ERBB4: variants seen among roughly 807,000 people sequenced by gnomAD.
ERBB4 encodes erb-b2 receptor tyrosine kinase 4, also known as receptor tyrosine-protein kinase erbB-4.
In ERBB4, 42 loss-of-function variants were observed where a neutral mutation model predicts 158.0. The ratio of observed to expected loss-of-function variants is 0.27; its 90% confidence interval spans 0.21 to 0.34. The LOEUF is 0.34. ERBB4 is among the 10% of genes least tolerant of loss of function. The pLI is 1.00. For missense variants in ERBB4, 1,333 were observed against 1,624.1 expected (o/e 0.82, Z 3.08); for synonymous variants, 583 against 558.7 (o/e 1.04, Z -0.61).
intron 3 of ERBB4, among the ~76,000 whole-genome samples, chr2:211,905,647 C>CATATATATATATATATAT (rs56758130): frequency 9.8e-5 from 7 of 71,452 alleles, no homozygotes; most frequent in Non-Finnish European, 1.1e-4. Context: ...TAGGAAGGAT[C>CATATATATATATATATAT]ATATATATAT....
intron 3 of ERBB4, among the ~76,000 whole-genome samples, chr2:211,913,645 G>A (rs1053863842): frequency 2.9e-5 from 4 of 139,350 alleles, no homozygotes; most frequent in African/African-American, 1.0e-4. Context: ...GTGTGTGTGT[G>A]TGTGTGTGTG....
chr2:211,803,846 A>G (rs557597953), intron 3 of ERBB4, among the ~76,000 whole-genome samples: 5 of 152,218 alleles, frequency 3.3e-5, no homozygotes, highest in African/African-American at 9.6e-5. Flanking sequence ...CAGCTCCTCT[A>G]CCTATTGATA....
intron 1 of ERBB4, among the ~76,000 whole-genome samples, chr2:212,200,638 T>C (rs1220562061): frequency 6.6e-6 from 1 of 152,172 alleles, no homozygotes; most frequent in Admixed American, 6.5e-5. Context: ...GTAGGCCAAC[T>C]GGATAGCAAC....
chr2:211,584,797 A>G (rs376311757), intron 19 of ERBB4, among the ~76,000 whole-genome samples: 3 of 151,890 alleles, frequency 2.0e-5, no homozygotes, highest in East Asian at 3.8e-4. Flanking sequence ...TATTTTATGC[A>G]TCTATGTATA....
At chr2:211,679,243 C>A in intron 12 of ERBB4, 59 bp from the exon 13 acceptor site, 1 of 1,586,502 alleles carries the variant, frequency 6.3e-7, no homozygotes, top group Non-Finnish European at 8.6e-7. Flanking sequence ...AACTTAAAAT[C>A]TTCCTAGGTA....
At chr2:212,492,691 G>GA (rs922210458) in intron 1 of ERBB4, among the ~76,000 whole-genome samples, 3 of 151,382 alleles carry the variant, frequency 2.0e-5, no homozygotes, top group Admixed American at 6.6e-5. Flanking sequence ...CAGGTATGGA[G>GA]AAAAAAACCC....
intron 1 of ERBB4, among the ~76,000 whole-genome samples, chr2:212,433,496 G>T (rs558256061): frequency 2.0e-5 from 3 of 151,778 alleles, no homozygotes; most frequent in African/African-American, 7.3e-5. Context: ...TTTATAGATC[G>T]AAAAATATTC....
At chr2:212,498,231 C>A (rs143846563) in intron 1 of ERBB4, among the ~76,000 whole-genome samples, 99 of 151,942 alleles carry the variant, frequency 6.5e-4, no homozygotes, top group African/African-American at 2.3e-3. Flanking sequence ...CTTTTTTGAA[C>A]CTCCAGTCTT....
chr2:212,370,980 G>C (rs77750161), intron 1 of ERBB4, among the ~76,000 whole-genome samples: 1 of 152,052 alleles, frequency 6.6e-6, no homozygotes, highest in East Asian at 1.9e-4. Flanking sequence ...ACTCACTGTT[G>C]ATGTAAAAAG....
chr2:211,410,920 T>A (rs2063243577), intron 25 of ERBB4, among the ~76,000 whole-genome samples: 1 of 152,212 alleles, frequency 6.6e-6, no homozygotes, highest in African/African-American at 2.4e-5. Flanking sequence ...TTTGTTTTGT[T>A]TTATTTTGAG....
At chr2:211,403,463 G>A (rs2063085741) in intron 25 of ERBB4, among the ~76,000 whole-genome samples, 1 of 152,100 alleles carries the variant, frequency 6.6e-6, no homozygotes, top group African/African-American at 2.4e-5. Context: ...CACTCAGAGT[G>A]TTCATGCTCA....
chr2:211,661,514 C>A (rs2071420379), intron 15 of ERBB4, among the ~76,000 whole-genome samples: 1 of 152,052 alleles, frequency 6.6e-6, no homozygotes. Flanking sequence ...CTGTGTTTAA[C>A]CTTTGTTAGT....
rs1447058200 is a variant in ERBB4, at chr2:212,362,000, A to C, written c.82+176449T>G. On this transcript the variant is annotated intron_variant, in intron 1 of 27. Coordinates refer to ENST00000342788, the MANE Select transcript of ERBB4 (RefSeq NM_005235.3). Reference sequence around the variant, plus strand: ...TTAAAGCATATAATTTTGTATATACATAACATTTTAAAAGTTTCACATAGA... The same window carrying C: ...TTAAAGCATATAATTTTGTATATACCTAACATTTTAAAAGTTTCACATAGA... 2.0e-5 allele frequency among the ~76,000 whole-genome samples: 3 copies of C among 151,712 alleles called. No individual in the cohort carries two copies. In the Admixed American group the frequency reaches 2.0e-4, roughly 10 times the overall value.
chr2:212,457,775 A>G (rs887005083), intron 1 of ERBB4, among the ~76,000 whole-genome samples: 1 of 152,052 alleles, frequency 6.6e-6, no homozygotes, highest in African/African-American at 2.4e-5. Context: ...TTAGGCCTAT[A>G]TGTGAAATCC....
chr2:211,611,934 C>T (rs1319057858), intron 19 of ERBB4, among the ~76,000 whole-genome samples: 1 of 152,104 alleles, frequency 6.6e-6, no homozygotes, highest in Non-Finnish European at 1.5e-5. Context: ...TGGCCTATTG[C>T]ATGCATAGGA....
chr2:211,430,479 G>A (rs909254580), intron 21 of ERBB4, among the ~76,000 whole-genome samples: 1 of 152,144 alleles, frequency 6.6e-6, no homozygotes, highest in African/African-American at 2.4e-5. Flanking sequence ...AGGTAGACGA[G>A]GCAGTGGCTC....
chr2:212,192,010 A>G (rs1358370936), intron 1 of ERBB4, among the ~76,000 whole-genome samples: 1 of 45,224 alleles, frequency 2.2e-5, no homozygotes, highest in Non-Finnish European at 5.5e-5. Context: ...TATATATAAT[A>G]TATGTTATAT....
chr2:212,188,906 T>TTAAATGCATGCTGAACA (rs2082108441), intron 1 of ERBB4, among the ~76,000 whole-genome samples: 1 of 152,140 alleles, frequency 6.6e-6, no homozygotes, highest in African/African-American at 2.4e-5. Flanking sequence ...TATGTTCTTA[T>TTAAATGCATGCTGAACA]TAAATGCATG....
chr2:211,534,077 T>G (rs1440641269), intron 20 of ERBB4, among the ~76,000 whole-genome samples: 2 of 152,146 alleles, frequency 1.3e-5, no homozygotes, highest in Admixed American at 1.3e-4. Context: ...TTTTTTCTTA[T>G]CTGCCCTTAG....
Sources: gnomAD v4.1 joint callset for allele counts (sites outside exome capture counted in the v4.1 genomes callset) on GRCh38, gnomAD v4.1.1 for gene constraint, MANE v1.5 for transcripts, NCBI Gene and HGNC (gene_info 2026-07-23, HGNC 2026-07-21) for gene names.